Variants in BCL2 observed in about 807,000 individuals in gnomAD.
The protein encoded by BCL2 is apoptosis regulator Bcl-2.
In BCL2, 1 loss-of-function variant was observed where a neutral mutation model predicts 14.2. That is an observed-to-expected ratio of 0.07 (90% CI 0.02 to 0.33). The LOEUF (loss-of-function observed/expected upper bound fraction) is 0.33, where lower values mean the gene tolerates loss of function less well. Among genes scored for constraint, BCL2 ranks in the 10% least tolerant of loss-of-function variants. The pLI, the probability that BCL2 is intolerant of heterozygous loss-of-function variation, is 0.99. For missense variants in BCL2, 247 were observed against 305.9 expected (o/e 0.81, Z 1.44); for synonymous variants, 151 against 137.2 (o/e 1.10, Z -0.70).
intron 2 of BCL2, among the ~76,000 whole-genome samples, chr18:63,174,539 G>T (rs1915303892): frequency 6.6e-6 from 1 of 152,160 alleles, no homozygotes; most frequent in Non-Finnish European, 1.5e-5. Flanking sequence ...GCATAAAGAG[G>T]CTGGGCATGG....
chr18:63,151,714 T>A (rs902142867), intron 2 of BCL2, among the ~76,000 whole-genome samples: 11 of 152,222 alleles, frequency 7.2e-5, no homozygotes, highest in African/African-American at 2.7e-4. Context: ...TACATGCTAG[T>A]TTCCGTGGCA....
At chr18:63,312,379 T>C (rs1206178999) in intron 2 of BCL2, among the ~76,000 whole-genome samples, 3 of 152,122 alleles carry the variant, frequency 2.0e-5, no homozygotes, top group African/African-American at 4.8e-5. Context: ...GACAGATGGG[T>C]GTATCTTTTG....
chr18:63,249,879 C>T (rs1379698444), intron 2 of BCL2, among the ~76,000 whole-genome samples: 2 of 151,986 alleles, frequency 1.3e-5, no homozygotes, highest in Non-Finnish European at 2.9e-5. Context: ...ACTTGGTGAA[C>T]AGGAATTAGA....
chr18:63,195,160 T>G lies in BCL2; in HGVS notation c.586-66401A>C, dbSNP rs572308663. On this transcript the variant is annotated intron_variant, in intron 2 of 2. Coordinates refer to ENST00000333681, the MANE Select transcript of BCL2 (RefSeq NM_000633.3). Reference sequence around the variant, plus strand: ...TGGAAACCTCCCTTGCTCACAAAGCTGGGGATTGGGAGCTAACTCTGCCAC... The same window carrying G: ...TGGAAACCTCCCTTGCTCACAAAGCGGGGGATTGGGAGCTAACTCTGCCAC... Among the ~76,000 whole-genome samples, 4 of 152,224 alleles carry G rather than the reference T, an allele frequency of 2.6e-5. No homozygotes were observed. The East Asian group carries it at 7.7e-4, about 29-fold the overall frequency.
At chr18:63,203,576 C>T (rs1224042244) in intron 2 of BCL2, among the ~76,000 whole-genome samples, 6 of 152,134 alleles carry the variant, frequency 3.9e-5, no homozygotes, top group East Asian at 1.9e-4. Context: ...AATGGGACAA[C>T]GTCAAGTTTA....
intron 2 of BCL2, among the ~76,000 whole-genome samples, chr18:63,175,171 G>GA (rs1915325279): frequency 1.3e-5 from 2 of 152,120 alleles, no homozygotes; most frequent in Non-Finnish European, 2.9e-5. Flanking sequence ...TAGCATTCAT[G>GA]AAAAAATACT....
chr18:63,295,925 T>C lies in BCL2; in HGVS notation c.585+22157A>G, dbSNP rs148540009. ...CGCTGCCAGGAATTTTCCCTAACAG[T>C]AGTTGACTCCCAACAGAAGAAAACG... On this transcript the variant is annotated intron_variant, in intron 2 of 2. Coordinates refer to ENST00000333681, the MANE Select transcript of BCL2 (RefSeq NM_000633.3). Among the ~76,000 whole-genome samples, 12 of 152,240 alleles carry C rather than the reference T, an allele frequency of 7.9e-5. No individual in the cohort carries two copies. The South Asian group carries it at 1.7e-3, about 21-fold the overall frequency.
intron 2 of BCL2, among the ~76,000 whole-genome samples, chr18:63,140,649 G>A (rs1380575901): frequency 3.3e-5 from 5 of 152,188 alleles, no homozygotes; most frequent in Admixed American, 2.0e-4. Context: ...ATGGGGAGAC[G>A]GGGAGACTAG....
At chr18:63,316,655 C>A (rs1239275563) in intron 2 of BCL2, 1 of 152,154 alleles carries the variant, frequency 6.6e-6, no homozygotes, top group East Asian at 1.9e-4. Context: ...AATATTTTGT[C>A]AACTTTGGTC....
At chr18:63,252,147 T>G (rs1911337128) in intron 2 of BCL2, among the ~76,000 whole-genome samples, 1 of 152,208 alleles carries the variant, frequency 6.6e-6, no homozygotes, top group Admixed American at 6.5e-5. Context: ...ATCCTAATAT[T>G]CTTAATATCT....
intron 2 of BCL2, among the ~76,000 whole-genome samples, chr18:63,190,795 A>T (rs1033223758): frequency 8.5e-5 from 13 of 152,194 alleles, no homozygotes; most frequent in African/African-American, 3.1e-4. Flanking sequence ...GCACCTATCA[A>T]CCATCACCTA....
At chr18:63,294,634 C>T (rs996347274) in intron 2 of BCL2, among the ~76,000 whole-genome samples, 4 of 151,848 alleles carry the variant, frequency 2.6e-5, no homozygotes, top group African/African-American at 7.3e-5. Context: ...CACACCACTG[C>T]ACTCCAGCCT....
chr18:63,266,637 T>TCTCTCACACACACACACA (rs1491465885), intron 2 of BCL2, among the ~76,000 whole-genome samples: 45 of 86,012 alleles, frequency 5.2e-4, no homozygotes, highest in African/African-American at 1.4e-3. Flanking sequence ...TCTCTCTCTC[T>TCTCTCACACACACACACA]CACACACACA....
chr18:63,151,589 C>T (rs933050712), intron 2 of BCL2, among the ~76,000 whole-genome samples: 1 of 152,052 alleles, frequency 6.6e-6, no homozygotes, highest in Non-Finnish European at 1.5e-5. Flanking sequence ...TGGCTTGGCC[C>T]GACTTTGTGG....
At chr18:63,161,981 G>C (rs1335472110) in intron 2 of BCL2, 1 of 152,190 alleles carries the variant, frequency 6.6e-6, no homozygotes, top group African/African-American at 2.4e-5. Context: ...ATCTATAGAT[G>C]TGTAAACCAA....
At chr18:63,312,730 T>C (rs1335163529) in intron 2 of BCL2, among the ~76,000 whole-genome samples, 2 of 152,250 alleles carry the variant, frequency 1.3e-5, no homozygotes, top group Non-Finnish European at 2.9e-5. Context: ...AACCTACTTG[T>C]ATTTTTTGGC....
chr18:63,243,116 G>C (rs1280829954), intron 2 of BCL2, among the ~76,000 whole-genome samples: 1 of 152,144 alleles, frequency 6.6e-6, no homozygotes, highest in African/African-American at 2.4e-5. Context: ...ATGCCCATCA[G>C]TGATAGACTG....
chr18:63,124,985 A>G lies in BCL2; in HGVS notation c.*3640T>C, dbSNP rs1913873264. The G allele has an allele frequency of 4.5e-6, 1 of 221,782 alleles. No homozygotes were observed. Among genetic ancestry groups the G allele is most frequent in the Non-Finnish European group, 9.0e-6 (1 of 110,708 alleles). 13.7% of individuals were successfully genotyped at this position (221,782 alleles called of 1,614,324 possible). ...ACATTTATAAACTATTTGTTTTAGG[A>G]TAAGTTCAATTACAAATAGAGACTA... is the stretch of plus-strand genomic sequence containing the variant. On this transcript the variant is annotated 3_prime_UTR_variant, in exon 3 of 3. Transcript: ENST00000333681.
At chr18:63,230,598 A>G (rs1910663791) in intron 2 of BCL2, among the ~76,000 whole-genome samples, 1 of 152,110 alleles carries the variant, frequency 6.6e-6, no homozygotes, top group Non-Finnish European at 1.5e-5. Context: ...GAGCAAGGAA[A>G]AAGAAAGAGC....
Sources: allele counts gnomAD v4.1 joint callset (sites outside exome capture counted in the v4.1 genomes callset), GRCh38; gene constraint gnomAD v4.1.1; transcripts MANE v1.5; gene names NCBI Gene and HGNC (gene_info 2026-07-23, HGNC 2026-07-21).